The following ZBED4 variants were observed in gnomAD, a reference collection of about 807,000 sequenced individuals.
ZBED4 encodes zinc finger BED domain-containing protein 4.
Under a neutral mutation model 15.5 loss-of-function variants are expected in ZBED4, and 4 were observed. The ratio of observed to expected loss-of-function variants is 0.26; its 90% confidence interval spans 0.13 to 0.59. The LOEUF (loss-of-function observed/expected upper bound fraction) is 0.59. Ranked by LOEUF, ZBED4 falls within the 20% of genes least tolerant of loss-of-function variation. The pLI is 0.90. For missense variants in ZBED4, 1,323 were observed against 1,461.8 expected (o/e 0.91, Z 1.55); for synonymous variants, 692 against 608.5 (o/e 1.14, Z -2.02).
rs370827482 is a variant in ZBED4, at chr22:49,883,398, A to C, written c.-265A>C. 1.0e-4 allele frequency: 33 copies of C among 330,000 alleles called. No homozygotes were observed. The South Asian group carries it at 1.4e-3, about 14-fold the overall frequency. 20.4% of individuals were successfully genotyped at this position (330,000 alleles called of 1,614,324 possible). On this transcript the variant is annotated 5_prime_UTR_variant, in exon 2 of 2. Transcript: ENST00000216268. ...AGGCAGATCCTGTCCTCAGGACCAG[A>C]AGCACGTCTCTGCTGCACACATTGT...
chr22:49,862,864 G>T (rs1211472753), intron 1 of ZBED4, among the ~76,000 whole-genome samples: 2 of 151,838 alleles, frequency 1.3e-5, no homozygotes, highest in Non-Finnish European at 2.9e-5. Context: ...ACCACGCCTG[G>T]CTAATTTTTG....
intron 1 of ZBED4, among the ~76,000 whole-genome samples, chr22:49,866,279 T>C (rs2060322192): frequency 6.6e-6 from 1 of 152,220 alleles, no homozygotes; most frequent in South Asian, 2.1e-4. Context: ...TCTTGCCCTG[T>C]CCCCTCCTGT....
chr22:49,874,742 C>T (rs921662813), intron 1 of ZBED4, among the ~76,000 whole-genome samples: 1 of 124,338 alleles, frequency 8.0e-6, no homozygotes, highest in Non-Finnish European at 1.6e-5. Context: ...GGCAATGGCT[C>T]GATCTCAGCT....
intron 1 of ZBED4, among the ~76,000 whole-genome samples, chr22:49,859,820 GT>G (rs1252294179): frequency 6.6e-6 from 1 of 152,204 alleles, no homozygotes; most frequent in Non-Finnish European, 1.5e-5. Context: ...GAGCTCAGGA[GT>G]TCCAGACCAG....
chr22:49,866,882 G>A (rs1286642786), intron 1 of ZBED4, among the ~76,000 whole-genome samples: 2 of 152,188 alleles, frequency 1.3e-5, no homozygotes, highest in African/African-American at 2.4e-5. Context: ...GCTCTTGAAC[G>A]GTGGCTCTCG....
At chr22:49,879,262 T>C (rs201153675) in intron 1 of ZBED4, among the ~76,000 whole-genome samples, 1 of 149,918 alleles carries the variant, frequency 6.7e-6, no homozygotes, top group East Asian at 2.1e-4. Flanking sequence ...GTAGCTGGGA[T>C]TACAGGCACG....
At chr22:49,866,642 G>C (rs2060323499) in intron 1 of ZBED4, among the ~76,000 whole-genome samples, 1 of 151,966 alleles carries the variant, frequency 6.6e-6, no homozygotes. Context: ...TTAATCTGAG[G>C]TCACATTTTT....
chr22:49,865,863 CTTTTTTTTT>C (rs112145673), intron 1 of ZBED4, among the ~76,000 whole-genome samples: 1 of 139,520 alleles, frequency 7.2e-6, no homozygotes, highest in Non-Finnish European at 1.6e-5. Flanking sequence ...TTCACATTTT[CTTTTTTTTT>C]TTTTTCCCTT....
At chr22:49,871,133 G>C (rs2060345285) in intron 1 of ZBED4, among the ~76,000 whole-genome samples, 1 of 14,360 alleles carries the variant, frequency 7.0e-5, no homozygotes, top group African/African-American at 3.9e-4. Context: ...TAGAGATGGG[G>C]TTTCACCCTG....
chr22:49,887,416 A>AT lies in ZBED4; in HGVS notation c.*239dup. On this transcript the variant is annotated 3_prime_UTR_variant, in exon 2 of 2. Transcript: ENST00000216268. ...AATAGCTTGTCCTGTCAACTATGAA[A>AT]TATGGTGACTAGATTTTAATTCATA... is the stretch of plus-strand genomic sequence containing the variant. 7.3e-6 allele frequency: 3 copies of AT among 411,556 alleles called. No individual in the cohort carries two copies. Among genetic ancestry groups the AT allele is most frequent in the Non-Finnish European group, 4.5e-6 (1 of 221,478 alleles). 25.5% of individuals were successfully genotyped at this position (411,556 alleles called of 1,614,324 possible). A position where few individuals can be genotyped will look rare whatever the true frequency, so the allele number is the denominator to read the frequency against.
chr22:49,876,281 A>G (rs1478683914), intron 1 of ZBED4, among the ~76,000 whole-genome samples: 1 of 152,216 alleles, frequency 6.6e-6, no homozygotes, highest in African/African-American at 2.4e-5. Flanking sequence ...ATAAATGCCC[A>G]TTAGGTCAAC....
In ZBED4 at chr22:49,885,428, G is replaced by T; in HGVS notation, c.1766G>T (p.Gly589Val). ...CACTGTGGCCGGACCATCAGCCGGG[G>T]GAAGAAGCCGACTAACTTGGGTACC... is the stretch of plus-strand genomic sequence containing the variant. ...CLHCGRTISRGKKPTNLGTSC... is the reference protein window; with the variant it reads ...CLHCGRTISRVKKPTNLGTSC... The change falls in exon 2 of 2, where the codon GGG (glycine) becomes GTG (valine). Residue 589 changes from glycine to valine, a missense_variant. Physicochemically the swap from Gly to Val is moderately radical, Grantham distance 109 (BLOSUM62 -3). Coordinates refer to ENST00000216268, the MANE Select transcript of ZBED4 (RefSeq NM_014838.3). 1.2e-6 allele frequency: 2 copies of T among 1,609,426 alleles called. No individual in the cohort carries two copies.
At chr22:49,877,171 A>G (rs1247220110) in intron 1 of ZBED4, among the ~76,000 whole-genome samples, 6 of 151,904 alleles carry the variant, frequency 3.9e-5, no homozygotes, top group Non-Finnish European at 8.8e-5. Flanking sequence ...CTTTATGTTT[A>G]AAGCGTGTTT....
intron 1 of ZBED4, among the ~76,000 whole-genome samples, chr22:49,879,055 G>A (rs1009559729): frequency 5.3e-5 from 8 of 150,590 alleles, no homozygotes; most frequent in Non-Finnish European, 1.0e-4. Flanking sequence ...TGAGGCAGGA[G>A]AATCACTTGA....
Position 49,859,792 on chromosome 22 carries a change from G to A in ZBED4, c.-330+5803G>A, listed in dbSNP as rs183515781. Among the ~76,000 whole-genome samples the A allele has an allele frequency of 5.3e-5, 8 of 152,366 alleles. No individual in the cohort carries two copies. The East Asian group carries it at 1.2e-3, about 22-fold the overall frequency. On this transcript the variant is annotated intron_variant, in intron 1 of 1. Transcript: ENST00000216268. ...TGTAATCTCAGCACTTTGGGAGGCT[G>A]AGGTGGGGAGACCACTTGAGCTCAG... is the stretch of plus-strand genomic sequence containing the variant.
intron 1 of ZBED4, among the ~76,000 whole-genome samples, chr22:49,871,760 T>TATTTA (rs1555923865): frequency 1.6e-5 from 2 of 128,698 alleles, no homozygotes. Context: ...TTTATTTATT[T>TATTTA]TTTTTTTTTT....
At position 49,884,088 on chromosome 22, in the gene ZBED4, G is replaced by A. The variant is rs766733274; in HGVS notation, c.426G>A (p.Glu142=). The change falls in exon 2 of 2, where the codon GAG becomes GAA. Residue 142 remains glutamate, a synonymous_variant. Coordinates refer to ENST00000216268, the MANE Select transcript of ZBED4 (RefSeq NM_014838.3). ...TKAICMYCVK[E]FSRGKNEKDL... is the part of the protein sequence containing the mutation. ...CAATATGCATGTACTGTGTGAAGGAGTTCAGCAGAGGCAAAAACGAGAAAG... is the reference window on the plus strand; with the variant it reads ...CAATATGCATGTACTGTGTGAAGGAATTCAGCAGAGGCAAAAACGAGAAAG... The A allele has an allele frequency of 6.2e-7, 1 of 1,612,708 alleles. No homozygotes were observed. The highest frequency in any genetic ancestry group is 1.1e-5 in the South Asian group (1 of 90,854).
intron 1 of ZBED4, among the ~76,000 whole-genome samples, chr22:49,878,257 G>A (rs763925027): frequency 2.2e-4 from 31 of 138,460 alleles, no homozygotes; most frequent in Admixed American, 7.5e-4. Flanking sequence ...GTGAGCCAAC[G>A]CACCACTGCA....
Position 49,884,112 on chromosome 22 carries a change from A to G in ZBED4, c.450A>G (p.Lys150=). The G allele has an allele frequency of 1.2e-6, 2 of 1,613,614 alleles. No individual in the cohort carries two copies. Among genetic ancestry groups the G allele is most frequent in the Non-Finnish European group, 1.7e-6 (2 of 1,179,828 alleles). The part of the protein sequence containing the change: ...VKEFSRGKNE[K]DLSTSCLMRH... ...AGTTCAGCAGAGGCAAAAACGAGAA[A>G]GACTTGAGTACCAGTTGTCTCATGA... is the stretch of plus-strand genomic sequence containing the variant. Residue 150 remains lysine, a synonymous_variant, in exon 2 of 2, where the codon AAA becomes AAG. Coordinates refer to ENST00000216268, the MANE Select transcript of ZBED4 (RefSeq NM_014838.3).
Sources: gnomAD v4.1 joint callset for allele counts (sites outside exome capture counted in the v4.1 genomes callset) on GRCh38, gnomAD v4.1.1 for gene constraint, MANE v1.5 for transcripts, NCBI Gene and HGNC (gene_info 2026-07-23, HGNC 2026-07-21) for gene names.